The following AGBL1 variants were observed in gnomAD, a reference collection of about 807,000 sequenced individuals.
AGBL1 encodes cytosolic carboxypeptidase 4.
Under a neutral mutation model 118.9 loss-of-function variants are expected in AGBL1, and 130 were observed. The observed-to-expected ratio is 1.09, with a 90% CI of 0.95 to 1.26. The LOEUF is 1.26. Ranked by LOEUF, AGBL1 falls within the 50% of genes most tolerant of loss-of-function variation. The pLI, the probability that AGBL1 is intolerant of heterozygous loss-of-function variation, is 0.00. For missense variants in AGBL1, 1,584 were observed against 1,298.1 expected (o/e 1.22, Z -3.38); for synonymous variants, 555 against 478.9 (o/e 1.16, Z -2.08).
At chr15:86,718,488 C>T (rs2086670437) in intron 22 of AGBL1, among the ~76,000 whole-genome samples, 1 of 152,004 alleles carries the variant, frequency 6.6e-6, no homozygotes, top group Non-Finnish European at 1.5e-5. Context: ...AGACATGTAA[C>T]AAACCTGCAC....
intron 1 of AGBL1, among the ~76,000 whole-genome samples, chr15:86,089,131 G>C (rs1895859607): frequency 6.6e-6 from 1 of 152,130 alleles, no homozygotes; most frequent in African/African-American, 2.4e-5. Context: ...TAGGACATTA[G>C]GGATCCATGG....
chr15:86,797,186 C>T (rs538740941), intron 22 of AGBL1, among the ~76,000 whole-genome samples: 4 of 152,256 alleles, frequency 2.6e-5, no homozygotes, highest in African/African-American at 7.2e-5. Flanking sequence ...GTATTCACTC[C>T]GTGATATTTT....
intron 18 of AGBL1, among the ~76,000 whole-genome samples, chr15:86,447,747 G>A (rs775128951): frequency 5.3e-5 from 8 of 152,284 alleles, no homozygotes; most frequent in South Asian, 2.1e-4. Flanking sequence ...TAAGGCCAGC[G>A]CGGAATATCT....
At chr15:86,586,688 T>TAGTTTTCAAGTGTGC in intron 21 of AGBL1, among the ~76,000 whole-genome samples, 1 of 152,154 alleles carries the variant, frequency 6.6e-6, no homozygotes, top group African/African-American at 2.4e-5. Context: ...GGTAAAATCA[T>TAGTTTTCAAGTGTGC]AAATAAATTC....
intron 22 of AGBL1, among the ~76,000 whole-genome samples, chr15:86,780,315 T>C (rs1417786636): frequency 6.6e-6 from 1 of 152,216 alleles, no homozygotes; most frequent in Non-Finnish European, 1.5e-5. Flanking sequence ...TTCTTTTCTG[T>C]TCTACTGATT....
chr15:86,946,092 C>A (rs1292228433), intron 23 of AGBL1: 2 of 152,192 alleles, frequency 1.3e-5, no homozygotes, highest in Non-Finnish European at 2.9e-5. Context: ...TTATAACTCA[C>A]ATCTCCCAAC....
intron 1 of AGBL1, among the ~76,000 whole-genome samples, chr15:86,107,896 G>A (rs575243664): frequency 1.3e-5 from 2 of 152,254 alleles, no homozygotes; most frequent in African/African-American, 4.8e-5. Flanking sequence ...TCCAATTTGT[G>A]TCTTGCATAG....
intron 18 of AGBL1, among the ~76,000 whole-genome samples, chr15:86,484,295 C>T (rs1353714261): frequency 6.6e-6 from 1 of 152,042 alleles, no homozygotes; most frequent in Non-Finnish European, 1.5e-5. Flanking sequence ...GTTTTGTACA[C>T]TTTGGAGGGA....
At chr15:86,571,755 G>C (rs2084011016) in intron 21 of AGBL1, among the ~76,000 whole-genome samples, 1 of 152,182 alleles carries the variant, frequency 6.6e-6, no homozygotes, top group Admixed American at 6.5e-5. Context: ...GAGCAGCCAT[G>C]GGTGGGCCCA....
At chr15:86,603,874 C>T (rs540485467) in intron 21 of AGBL1, among the ~76,000 whole-genome samples, 5 of 152,040 alleles carry the variant, frequency 3.3e-5, no homozygotes, top group Non-Finnish European at 7.4e-5. Flanking sequence ...CTACTATAGC[C>T]CCTGAGTAGC....
intron 5 of AGBL1, among the ~76,000 whole-genome samples, chr15:86,170,020 G>A (rs1159288456): frequency 6.6e-6 from 1 of 152,032 alleles, no homozygotes; most frequent in African/African-American, 2.4e-5. Context: ...GGCATGCAAA[G>A]GAACAAGAAA....
At chr15:87,008,006 G>C (rs1002199085) in intron 24 of AGBL1, among the ~76,000 whole-genome samples, 1 of 152,228 alleles carries the variant, frequency 6.6e-6, no homozygotes, top group African/African-American at 2.4e-5. Context: ...GCTGAAGATA[G>C]ATTTTTCTGG....
intron 18 of AGBL1, among the ~76,000 whole-genome samples, chr15:86,486,970 TG>T (rs1332591933): frequency 2.0e-5 from 3 of 152,082 alleles, no homozygotes; most frequent in Non-Finnish European, 4.4e-5. Context: ...TGTAACCCGC[TG>T]GATGCTTATC....
chr15:86,940,000 G>A (rs1172150792), intron 23 of AGBL1, among the ~76,000 whole-genome samples: 1 of 145,636 alleles, frequency 6.9e-6, no homozygotes, highest in Non-Finnish European at 1.5e-5. Context: ...TCCCACCTCA[G>A]CCTCCCTAGT....
intron 21 of AGBL1, among the ~76,000 whole-genome samples, chr15:86,594,235 G>A (rs1337800826): frequency 6.6e-6 from 1 of 152,044 alleles, no homozygotes; most frequent in African/African-American, 2.4e-5. Flanking sequence ...AACCAAGCTT[G>A]CATCCCGGGG....
intron 5 of AGBL1, among the ~76,000 whole-genome samples, chr15:86,206,882 G>A (rs1006609931): frequency 6.6e-6 from 1 of 152,160 alleles, no homozygotes; most frequent in African/African-American, 2.4e-5. Context: ...TGAAGTCCTT[G>A]TCTATGCCTG....
chr15:86,890,096 G>C (rs1158134351), intron 22 of AGBL1, among the ~76,000 whole-genome samples: 1 of 152,118 alleles, frequency 6.6e-6, no homozygotes, highest in Non-Finnish European at 1.5e-5. Context: ...ATTCTGATTG[G>C]CTTGAGATAG....
intron 22 of AGBL1, among the ~76,000 whole-genome samples, chr15:86,689,681 G>T (rs534031427): frequency 6.6e-6 from 1 of 151,802 alleles, no homozygotes; most frequent in Non-Finnish European, 1.5e-5. Context: ...TCCTATTAGA[G>T]AACTTTTATG....
At chr15:86,688,037 A>G (rs893280844) in intron 22 of AGBL1, among the ~76,000 whole-genome samples, 1 of 152,180 alleles carries the variant, frequency 6.6e-6, no homozygotes, top group Admixed American at 6.5e-5. Context: ...AGAACAGGGC[A>G]TGAAATGAGA....
Sources: gnomAD v4.1 joint callset for allele counts (sites outside exome capture counted in the v4.1 genomes callset) on GRCh38, gnomAD v4.1.1 for gene constraint, MANE v1.5 for transcripts, NCBI Gene and HGNC (gene_info 2026-07-23, HGNC 2026-07-21) for gene names.